The following ZSCAN25 variants were observed in gnomAD, a reference collection of about 807,000 sequenced individuals.
ZSCAN25 encodes the protein zinc finger and SCAN domain-containing protein 25.
ZSCAN25 carries 27 observed loss-of-function variants against 38.7 expected under a neutral mutation model. The observed-to-expected ratio is 0.70, with a 90% CI of 0.51 to 0.96. ZSCAN25 has a LOEUF of 0.96. ZSCAN25 is among the 40% of genes least tolerant of loss of function. The pLI is 0.00. For synonymous variants in ZSCAN25, 273 were observed against 277.7 expected (o/e 0.98, Z 0.17); for missense variants, 637 against 705.9 (o/e 0.90, Z 1.11).
rs1306846675 is a variant in ZSCAN25 at position 99,632,388 on chromosome 7, A to G, written c.*2368A>G. The G allele has an allele frequency of 2.2e-5, 10 of 462,608 alleles. No individual in the cohort carries two copies. The allele number at this position is 462,608 out of a possible 1,614,324, so 28.7% of individuals were successfully genotyped here. ...TATGTATTTATCATTTGACTTTATTATAAACTCATAATCAATCTTGTTTCA... is the reference window on the plus strand; with the variant it reads ...TATGTATTTATCATTTGACTTTATTGTAAACTCATAATCAATCTTGTTTCA... On this transcript the variant is annotated 3_prime_UTR_variant, in exon 8 of 8. Coordinates refer to ENST00000394152, the MANE Select transcript of ZSCAN25 (RefSeq NM_145115.3).
At chr7:99,735,889 C>T in the ZSCAN25 span, among the ~76,000 whole-genome samples, 1 of 152,290 alleles carries the variant, frequency 6.6e-6, no homozygotes, top group Admixed American at 6.5e-5. Flanking sequence ...GCTGAGATTG[C>T]TGGGCCCCTG....
At chr7:99,704,378 C>T in the ZSCAN25 span, among the ~76,000 whole-genome samples, 3 of 152,086 alleles carry the variant, frequency 2.0e-5, no homozygotes, top group Non-Finnish European at 4.4e-5. Context: ...GCAGCCTCCA[C>T]CTCCCAGGTT....
At chr7:99,650,216 CCTT>C in the ZSCAN25 span, 11 of 1,613,566 alleles carry the variant, frequency 6.8e-6, no homozygotes, top group African/African-American at 4.0e-5. Context: ...TCTATGCTGT[CCTT>C]CTTCTTACTG....
chr7:99,645,860 A>G, the ZSCAN25 span, among the ~76,000 whole-genome samples: 1 of 151,840 alleles, frequency 6.6e-6, no homozygotes. Context: ...TTGGATGTAT[A>G]GTTTGCATTT....
At position 99,630,506 on chromosome 7, in the gene ZSCAN25, A is replaced by C; in HGVS notation, c.*486A>C. On this transcript the variant is annotated 3_prime_UTR_variant, in exon 8 of 8. Coordinates refer to ENST00000394152, the MANE Select transcript of ZSCAN25 (RefSeq NM_145115.3). The stretch of plus-strand genomic sequence containing the variant: ...GGAATGCCGTGGTGAATGAGAGACT[A>C]GACGTGATGCCTCTGGGGGTTGTGC... The C allele has an allele frequency of 1.0e-6, 1 of 995,108 alleles. No homozygotes were observed. Among genetic ancestry groups the C allele is most frequent in the African/African-American group, 1.7e-5 (1 of 57,442 alleles). The allele number at this position is 995,108 out of a possible 1,614,324, so 61.6% of individuals were successfully genotyped here. A position where few individuals can be genotyped will look rare whatever the true frequency, so the allele number is the denominator to read the frequency against.
At chr7:99,622,800 A>G (rs992670908) in intron 6 of ZSCAN25, among the ~76,000 whole-genome samples, 160 bp downstream of exon 6, 1 of 152,126 alleles carries the variant, frequency 6.6e-6, no homozygotes, top group African/African-American at 2.4e-5. Flanking sequence ...TCCTCCACTG[A>G]ACCATCAGCC....
the ZSCAN25 span, among the ~76,000 whole-genome samples, chr7:99,658,343 C>T: frequency 5.9e-5 from 9 of 152,230 alleles, no homozygotes; most frequent in African/African-American, 2.2e-4. Flanking sequence ...ACTTATGAAG[C>T]TTAGTTTGGC....
the ZSCAN25 span, among the ~76,000 whole-genome samples, chr7:99,669,367 A>AT: frequency 6.6e-6 from 1 of 152,228 alleles, no homozygotes; most frequent in African/African-American, 2.4e-5. Flanking sequence ...AACAAAAAAG[A>AT]TTTTTTAAAA....
chr7:99,729,012 C>G, the ZSCAN25 span, among the ~76,000 whole-genome samples: 1 of 152,112 alleles, frequency 6.6e-6, no homozygotes, highest in Non-Finnish European at 1.5e-5. Flanking sequence ...TTGTTTTTAT[C>G]TAAACCAATC....
the ZSCAN25 span, chr7:99,650,000 G>T: frequency 6.6e-7 from 1 of 1,524,266 alleles, no homozygotes; most frequent in Non-Finnish European, 9.0e-7. Context: ...AGATAAACAT[G>T]CATATTCTTT....
At chr7:99,654,980 C>G in the ZSCAN25 span, among the ~76,000 whole-genome samples, 3 of 152,004 alleles carry the variant, frequency 2.0e-5, no homozygotes, top group Non-Finnish European at 4.4e-5. Context: ...GGATATTAGC[C>G]CTTTGTCAGA....
the ZSCAN25 span, among the ~76,000 whole-genome samples, chr7:99,719,172 C>T: frequency 6.6e-6 from 1 of 152,134 alleles, no homozygotes; most frequent in African/African-American, 2.4e-5. Flanking sequence ...TATGGAAAAG[C>T]AGAGGACCAG....
chr7:99,664,183 G>T, the ZSCAN25 span: 1 of 1,085,082 alleles, frequency 9.2e-7, no homozygotes, highest in Non-Finnish European at 1.4e-6. Flanking sequence ...CCAGTAATAA[G>T]AATAAGAACA....
At chr7:99,732,528 TG>T in the ZSCAN25 span, among the ~76,000 whole-genome samples, 1 of 152,186 alleles carries the variant, frequency 6.6e-6, no homozygotes, top group African/African-American at 2.4e-5. Context: ...TCAAGGCTGC[TG>T]CTCCCTATAG....
the ZSCAN25 span, chr7:99,685,200 T>G: frequency 3.1e-6 from 5 of 1,613,636 alleles, no homozygotes; most frequent in Non-Finnish European, 4.2e-6. Flanking sequence ...GTTTTTCTGG[T>G]TGAAGAAGTC....
chr7:99,695,858 A>G, the ZSCAN25 span: 1 of 1,608,128 alleles, frequency 6.2e-7, no homozygotes. Context: ...TGAATCAGAA[A>G]TCAGGTCTCA....
the ZSCAN25 span, among the ~76,000 whole-genome samples, chr7:99,703,582 A>G: frequency 6.6e-6 from 1 of 152,220 alleles, no homozygotes; most frequent in Admixed American, 6.5e-5. Flanking sequence ...GGGTATGAAT[A>G]TACACGAATA....
chr7:99,713,661 G>A, the ZSCAN25 span: 4 of 1,252,932 alleles, frequency 3.2e-6, no homozygotes, highest in Non-Finnish European at 4.6e-6. Context: ...TCTGATGGGT[G>A]TTGCCTGAGT....
chr7:99,715,853 C>T, the ZSCAN25 span: 87 of 1,613,920 alleles, frequency 5.4e-5, 1 homozygote, highest in African/African-American at 6.7e-4. Context: ...AGAGTCGATG[C>T]TCACTCCAAA....
Sources: allele counts gnomAD v4.1 joint callset (sites outside exome capture counted in the v4.1 genomes callset), GRCh38; gene constraint gnomAD v4.1.1; transcripts MANE v1.5; gene names NCBI Gene and HGNC (gene_info 2026-07-23, HGNC 2026-07-21).